The following KANSL1 variants were observed in gnomAD, a reference collection of about 807,000 sequenced individuals.
The protein encoded by KANSL1 is MLL1/MLL complex subunit KANSL1.
KANSL1 carries 22 observed loss-of-function variants against 103.6 expected under a neutral mutation model. That is an observed-to-expected ratio of 0.21 (90% CI 0.15 to 0.30). The LOEUF (loss-of-function observed/expected upper bound fraction) is 0.30, where lower values mean the gene tolerates loss of function less well. Among genes scored for constraint, KANSL1 ranks in the 10% least tolerant of loss-of-function variants. The pLI is 1.00. For missense variants in KANSL1, 1,337 were observed against 1,399.8 expected (o/e 0.96, Z 0.72); for synonymous variants, 600 against 527.6 (o/e 1.14, Z -1.88).
intron 2 of KANSL1, among the ~76,000 whole-genome samples, chr17:46,102,353 G>T (rs1472538098): frequency 6.6e-6 from 1 of 152,174 alleles, no homozygotes; most frequent in Non-Finnish European, 1.5e-5. Flanking sequence ...GGGTTCAAGT[G>T]ATTTTCCTGC....
At chr17:46,210,213 G>A (rs1292811999) in intron 1 of KANSL1, among the ~76,000 whole-genome samples, 1 of 152,184 alleles carries the variant, frequency 6.6e-6, no homozygotes, top group East Asian at 1.9e-4. Context: ...GGTGGCTCAT[G>A]CCTGTAATCC....
At chr17:46,102,825 T>G (rs2042378514) in intron 2 of KANSL1, among the ~76,000 whole-genome samples, 1 of 152,224 alleles carries the variant, frequency 6.6e-6, no homozygotes, top group Admixed American at 6.5e-5. Flanking sequence ...GTTTACAATT[T>G]AATGGGGCAG....
intron 1 of KANSL1, among the ~76,000 whole-genome samples, chr17:46,200,423 T>C (rs1170859156): frequency 1.3e-5 from 2 of 152,164 alleles, no homozygotes; most frequent in African/African-American, 4.8e-5. Context: ...AGGCAGCAGG[T>C]GTACAAGGCA....
At chr17:46,206,158 T>C (rs1369167615) in intron 1 of KANSL1, among the ~76,000 whole-genome samples, 1 of 151,078 alleles carries the variant, frequency 6.6e-6, no homozygotes, top group Non-Finnish European at 1.5e-5. Flanking sequence ...TACAACTCTG[T>C]TAAAATGGCA....
chr17:46,213,604 G>A (rs1210879012), intron 1 of KANSL1, among the ~76,000 whole-genome samples: 7 of 148,436 alleles, frequency 4.7e-5, no homozygotes, highest in East Asian at 2.2e-4. Context: ...CACCGTGCCC[G>A]GCCCAAACGT....
At chr17:46,064,043 C>T (rs1320211796) in intron 6 of KANSL1, among the ~76,000 whole-genome samples, 2 of 122,992 alleles carry the variant, frequency 1.6e-5, no homozygotes, top group African/African-American at 3.2e-5. Context: ...TAGAGATATA[C>T]GACTATTAGT....
chr17:46,057,223 G>C (rs923595996), intron 6 of KANSL1, among the ~76,000 whole-genome samples: 1 of 152,118 alleles, frequency 6.6e-6, no homozygotes, highest in Non-Finnish European at 1.5e-5. Context: ...ATAAAGAAAA[G>C]ACTACAATGG....
At chr17:46,116,516 C>T (rs62061849) in intron 2 of KANSL1, among the ~76,000 whole-genome samples, 21,666 of 151,880 alleles carry the variant, frequency 0.14, 2,129 homozygotes, top group Non-Finnish European at 0.22. Flanking sequence ...GGCAACAGAG[C>T]GCGACTCCGT....
intron 2 of KANSL1, among the ~76,000 whole-genome samples, chr17:46,102,453 T>C (rs1185585818): frequency 6.6e-6 from 1 of 152,188 alleles, no homozygotes; most frequent in Non-Finnish European, 1.5e-5. Flanking sequence ...TTTTGCCGTG[T>C]TGGCCAGGCT....
chr17:46,169,813 C>G (rs1195690196), intron 2 of KANSL1, among the ~76,000 whole-genome samples: 2 of 152,190 alleles, frequency 1.3e-5, no homozygotes, highest in Non-Finnish European at 2.9e-5. Flanking sequence ...ACGTCTCTGT[C>G]TCCACCATGC....
chr17:46,200,039 A>ACG (rs1491092543), intron 1 of KANSL1, among the ~76,000 whole-genome samples: 1 of 10,148 alleles, frequency 9.9e-5, no homozygotes. Flanking sequence ...CAATGAGTTT[A>ACG]CACACACACA....
intron 2 of KANSL1, among the ~76,000 whole-genome samples, chr17:46,125,457 G>A (rs1229675884): frequency 6.6e-6 from 1 of 152,090 alleles, no homozygotes; most frequent in Non-Finnish European, 1.5e-5. Context: ...AAATGAACCT[G>A]TGATATCTCT....
chr17:46,219,250 TA>T lies in KANSL1; in HGVS notation c.-90+4420del, dbSNP rs66536813. Reference sequence around the variant, plus strand: ...ACAACAAAGCGAGACTCTTGTCTCATAAAAAAAAAAAAAGGAAGAAGAATGC... The same window carrying T: ...ACAACAAAGCGAGACTCTTGTCTCATAAAAAAAAAAAAGGAAGAAGAATGC... On this transcript the variant is annotated intron_variant, in intron 1 of 14. Coordinates refer to the KANSL1 transcript ENST00000572904. Among the ~76,000 whole-genome samples, 416 of 135,042 alleles carry T rather than the reference TA, an allele frequency of 3.1e-3. 1 individual carries two copies. The highest frequency in any genetic ancestry group is 3.4e-3 in the Non-Finnish European group (217 of 63,640). The allele number at this position is 135,042 out of a possible 152,430, so 88.6% of individuals were successfully genotyped here. A position where few individuals can be genotyped will look rare whatever the true frequency, so the allele number is the denominator to read the frequency against.
Position 46,039,194 on chromosome 17 carries a change from C to T in KANSL1, c.2225G>A (p.Arg742Gln), listed in dbSNP as rs752047149. 2.4e-5 allele frequency: 38 copies of T among 1,590,078 alleles called. 1 individual carries two copies. Among genetic ancestry groups the T allele is most frequent in the South Asian group, 2.2e-4 (19 of 87,762 alleles). ...GTGCTGCCTGTGGGTCCTGTCAGGC[C>T]GGGTTTGGTGATGGGACAGCTCTGA... ...TTAKLSHHQT[R>Q]PDRTHRQHLD... Residue 742 changes from arginine to glutamine, a missense_variant, in exon 9 of 15, where the codon CGG (arginine) becomes CAG (glutamine). Physicochemically the swap from Arg to Gln is conservative, Grantham distance 43. This residue lies in a region of KANSL1 where 780 missense variants were observed against 923.4 expected (regional missense o/e 0.84). Coordinates refer to ENST00000432791, the MANE Select transcript of KANSL1 (RefSeq NM_015443.4).
At chr17:46,140,673 A>T (rs1186869235) in intron 2 of KANSL1, among the ~76,000 whole-genome samples, 1 of 152,246 alleles carries the variant, frequency 6.6e-6, no homozygotes, top group Admixed American at 6.5e-5. Flanking sequence ...GAATATATAC[A>T]AAAAACACAA....
chr17:46,032,669 A>C, intron 13 of KANSL1: 1 of 322,600 alleles, frequency 3.1e-6, no homozygotes, highest in Non-Finnish European at 5.7e-6. Flanking sequence ...TGTTAACAAT[A>C]AATGGAGACA....
chr17:46,168,032 A>G (rs996795619), intron 2 of KANSL1, among the ~76,000 whole-genome samples: 1 of 152,238 alleles, frequency 6.6e-6, no homozygotes, highest in African/African-American at 2.4e-5. Context: ...TCTTGGGCAA[A>G]AGAGTAAAAT....
At chr17:46,185,175 TC>T (rs1296117026) in intron 1 of KANSL1, among the ~76,000 whole-genome samples, 1 of 152,162 alleles carries the variant, frequency 6.6e-6, no homozygotes, top group Non-Finnish European at 1.5e-5. Flanking sequence ...TTTATCTCTG[TC>T]CCCTACAAGC....
chr17:46,150,994 A>G (rs1203462661), intron 2 of KANSL1, among the ~76,000 whole-genome samples: 1 of 152,082 alleles, frequency 6.6e-6, no homozygotes, highest in African/African-American at 2.4e-5. Flanking sequence ...TAAAGACATG[A>G]GCAGTCTCAT....
Sources: gnomAD v4.1 joint callset for allele counts (sites outside exome capture counted in the v4.1 genomes callset) on GRCh38, gnomAD v4.1.1 for gene constraint, gnomAD v4.1.1 regional missense constraint, MANE v1.5 for transcripts, NCBI Gene and HGNC (gene_info 2026-07-23, HGNC 2026-07-21) for gene names.